The following CADM2 variants were observed in gnomAD, a reference collection of about 807,000 sequenced individuals.
The protein encoded by CADM2 is cell adhesion molecule 2, also known as immunoglobulin superfamily member 4D.
In CADM2, 12 loss-of-function variants were observed where a neutral mutation model predicts 49.8. That is an observed-to-expected ratio of 0.24 (90% CI 0.15 to 0.39). The LOEUF (loss-of-function observed/expected upper bound fraction) is 0.39, where lower values mean the gene tolerates loss of function less well. Among genes scored for constraint, CADM2 ranks in the 10% least tolerant of loss-of-function variants. The pLI, the probability that CADM2 is intolerant of heterozygous loss-of-function variation, is 1.00. For synonymous variants in CADM2, 214 were observed against 175.4 expected, an observed-to-expected ratio of 1.22 and a Z score of -1.74; for missense variants, 378 against 492.3, an observed-to-expected ratio of 0.77 and a Z score of 2.20.
At chr3:85,480,152 T>C (rs2039150304) in intron 1 of CADM2, among the ~76,000 whole-genome samples, 1 of 151,878 alleles carries the variant, frequency 6.6e-6, no homozygotes, top group Admixed American at 6.6e-5. Flanking sequence ...AGATATATTA[T>C]TTGAATCATT....
At chr3:86,042,600 C>CA (rs943656705) in intron 8 of CADM2, among the ~76,000 whole-genome samples, 41 of 152,020 alleles carry the variant, frequency 2.7e-4, no homozygotes, top group Middle Eastern at 3.4e-3. Flanking sequence ...GCTTACCAAC[C>CA]AAAAAAAGTC....
intron 1 of CADM2, among the ~76,000 whole-genome samples, chr3:85,683,847 A>G (rs1380904763): frequency 3.9e-5 from 6 of 152,182 alleles, no homozygotes; most frequent in Non-Finnish European, 8.8e-5. Context: ...GACTCCTACA[A>G]TATGACTCTT....
intron 3 of CADM2, among the ~76,000 whole-genome samples, chr3:85,882,724 T>A (rs576670909): frequency 9.2e-5 from 14 of 152,306 alleles, no homozygotes; most frequent in Admixed American, 8.5e-4. Context: ...CCAAAGACTG[T>A]ATTAACATAC....
At chr3:85,508,465 G>A (rs1479006399) in intron 1 of CADM2, among the ~76,000 whole-genome samples, 1 of 152,128 alleles carries the variant, frequency 6.6e-6, no homozygotes, top group Non-Finnish European at 1.5e-5. Flanking sequence ...CTTTAAAAAG[G>A]CAAACACTTT....
At chr3:85,791,708 TTTG>T (rs1334110305) in intron 2 of CADM2, among the ~76,000 whole-genome samples, 2 of 151,980 alleles carry the variant, frequency 1.3e-5, no homozygotes, top group Non-Finnish European at 2.9e-5. Flanking sequence ...TTGTTGAGTT[TTTG>T]TTGTTGTTGT....
At position 85,000,215 on chromosome 3, in the gene CADM2, G is replaced by A. The variant is rs116504924; in HGVS notation, c.61+40547G>A. On this transcript the variant is annotated intron_variant, in intron 1 of 9. Transcript: ENST00000383699. ...TGTAACCTTGACTTAGTTGGCTTAAGCAATCCTCCTACCTTACACTCTAGA... is the reference window on the plus strand; with the variant it reads ...TGTAACCTTGACTTAGTTGGCTTAAACAATCCTCCTACCTTACACTCTAGA... 3.3e-3 allele frequency among the ~76,000 whole-genome samples: 497 copies of A among 150,142 alleles called. 5 individuals carry two copies. Among genetic ancestry groups the A allele is most frequent in the African/African-American group, 0.011 (467 of 40,834 alleles).
intron 1 of CADM2, among the ~76,000 whole-genome samples, chr3:85,391,497 A>G (rs373042579): frequency 6.7e-6 from 1 of 149,584 alleles, no homozygotes; most frequent in African/African-American, 2.4e-5. Flanking sequence ...ACAAGATGGA[A>G]GGCTCTTCAG....
intron 8 of CADM2, among the ~76,000 whole-genome samples, chr3:85,986,764 A>G (rs921062579): frequency 1.3e-5 from 2 of 152,132 alleles, no homozygotes; most frequent in Admixed American, 6.6e-5. Context: ...ATGCTTAAGG[A>G]ACAAGCACCA....
At chr3:84,975,771 A>T (rs2107113624) in intron 1 of CADM2, among the ~76,000 whole-genome samples, 1 of 151,990 alleles carries the variant, frequency 6.6e-6, no homozygotes, top group Admixed American at 6.6e-5. Context: ...GAATTTCAAA[A>T]TGCTTCCACA....
At chr3:85,413,762 T>A (rs535529715) in intron 1 of CADM2, among the ~76,000 whole-genome samples, 87 of 152,292 alleles carry the variant, frequency 5.7e-4, no homozygotes, top group Non-Finnish European at 7.6e-4. Context: ...GGGATTACAA[T>A]TTGACATAAA....
intron 1 of CADM2, among the ~76,000 whole-genome samples, chr3:85,069,632 T>A (rs2036649343): frequency 1.3e-5 from 2 of 152,052 alleles, no homozygotes; most frequent in African/African-American, 2.4e-5. Context: ...CTTTTAGTTG[T>A]CATCAATATT....
chr3:85,013,891 T>C (rs1391101593), intron 1 of CADM2, among the ~76,000 whole-genome samples: 1 of 147,382 alleles, frequency 6.8e-6, no homozygotes, highest in East Asian at 1.9e-4. Flanking sequence ...TTAATATTAA[T>C]ATATTATTGT....
chr3:85,898,173 G>A (rs1715525515), intron 5 of CADM2, among the ~76,000 whole-genome samples: 1 of 152,182 alleles, frequency 6.6e-6, no homozygotes, highest in African/African-American at 2.4e-5. Flanking sequence ...TCACTCTATA[G>A]AAGGAGATAT....
chr3:85,156,529 C>G (rs1236957070), intron 1 of CADM2, among the ~76,000 whole-genome samples: 7 of 151,978 alleles, frequency 4.6e-5, no homozygotes, highest in Admixed American at 3.9e-4. Flanking sequence ...GATTCACAGC[C>G]AAATTCTACC....
chr3:85,521,423 C>T (rs1486975856), intron 1 of CADM2, among the ~76,000 whole-genome samples: 1 of 152,112 alleles, frequency 6.6e-6, no homozygotes, highest in African/African-American at 2.4e-5. Flanking sequence ...TTATCGATAT[C>T]ATTTGCATTT....
At chr3:85,060,105 A>G (rs970153114) in intron 1 of CADM2, among the ~76,000 whole-genome samples, 1 of 151,526 alleles carries the variant, frequency 6.6e-6, no homozygotes, top group Admixed American at 6.6e-5. Flanking sequence ...ACCTTTTTGT[A>G]CTCTCCAGGA....
intron 8 of CADM2, among the ~76,000 whole-genome samples, chr3:86,035,110 G>T (rs1559814832): frequency 3.3e-5 from 5 of 151,892 alleles, no homozygotes; most frequent in Admixed American, 3.3e-4. Flanking sequence ...AAAATCTTTA[G>T]CATGGCATAC....
chr3:85,889,306 C>T (rs1714104491), intron 5 of CADM2, among the ~76,000 whole-genome samples: 1 of 152,126 alleles, frequency 6.6e-6, no homozygotes, highest in Non-Finnish European at 1.5e-5. Flanking sequence ...TATGTCCATA[C>T]TTGGTTATAG....
intron 2 of CADM2, among the ~76,000 whole-genome samples, chr3:85,744,775 G>T (rs2068544904): frequency 6.6e-6 from 1 of 152,034 alleles, no homozygotes; most frequent in South Asian, 2.1e-4. Flanking sequence ...GAAGTCAGGA[G>T]GAGAGAAGAG....
Sources: gnomAD v4.1 joint callset for allele counts (sites outside exome capture counted in the v4.1 genomes callset) on GRCh38, gnomAD v4.1.1 for gene constraint, MANE v1.5 for transcripts, NCBI Gene and HGNC (gene_info 2026-07-23, HGNC 2026-07-21) for gene names.